PPP1R12C: variants seen among roughly 807,000 people sequenced by gnomAD.
PPP1R12C encodes the protein protein phosphatase 1 regulatory subunit 12C, also known as leukocyte receptor cluster (LRC) encoded novel gene 3.
A neutral mutation model predicts 95.6 loss-of-function variants in PPP1R12C; 48 were observed. That is an observed-to-expected ratio of 0.50 (90% CI 0.40 to 0.64). The LOEUF (loss-of-function observed/expected upper bound fraction) is 0.64, where lower values mean the gene tolerates loss of function less well. Ranked by LOEUF, PPP1R12C falls within the 30% of genes least tolerant of loss-of-function variation. PPP1R12C has a pLI of 0.00. For missense variants in PPP1R12C, 1,057 were observed against 1,083.3 expected, an observed-to-expected ratio of 0.98 and a Z score of 0.34; for synonymous variants, 480 against 460.8, an observed-to-expected ratio of 1.04 and a Z score of -0.53.
intron 9 of PPP1R12C, 101 bp from the exon 10 acceptor site, chr19:55,095,704 GC>G: frequency 6.6e-7 from 1 of 1,505,706 alleles, no homozygotes; most frequent in Non-Finnish European, 9.0e-7. Context: ...ATTCCCATCA[GC>G]CCCCGGGGCA....
chr19:55,112,162 C>T (rs2085102724), intron 3 of PPP1R12C: 1 of 281,850 alleles, frequency 3.5e-6, no homozygotes, highest in Non-Finnish European at 6.8e-6. Flanking sequence ...TAACGCACTC[C>T]TGGGTGAGTC....
chr19:55,095,176 G>A, intron 11 of PPP1R12C, 115 bp downstream of exon 11: 1 of 1,178,676 alleles, frequency 8.5e-7, no homozygotes, highest in Non-Finnish European at 1.2e-6. Flanking sequence ...AGGCTCTGGA[G>A]TGGCGGCAGG....
chr19:55,106,531 C>T (rs1022979889), intron 3 of PPP1R12C, among the ~76,000 whole-genome samples: 8 of 152,248 alleles, frequency 5.3e-5, no homozygotes, highest in Non-Finnish European at 7.3e-5. Flanking sequence ...GTAACTCCCC[C>T]TCTTCCAGCT....
At chr19:55,096,453 C>A in intron 6 of PPP1R12C, 118 bp from the exon 7 acceptor site, 1 of 1,237,408 alleles carries the variant, frequency 8.1e-7, no homozygotes, top group Non-Finnish European at 1.2e-6. Flanking sequence ...GGCTCGTGGG[C>A]TTACTGGTTT....
chr19:55,111,110 CACAG>C (rs2085090061), intron 3 of PPP1R12C, among the ~76,000 whole-genome samples: 1 of 131,360 alleles, frequency 7.6e-6, no homozygotes, highest in African/African-American at 2.9e-5. Flanking sequence ...ACAGCAAATC[CACAG>C]ACAGAAGGCA....
At chr19:55,112,993 T>C (rs550875825) in intron 1 of PPP1R12C, 198 bp from the exon 2 acceptor site, 2 of 680,362 alleles carry the variant, frequency 2.9e-6, no homozygotes, top group Admixed American at 2.9e-5. Context: ...AGGCCTTCAG[T>C]GCTCAGTGGA....
intron 3 of PPP1R12C, 109 bp from the exon 4 acceptor site, chr19:55,103,677 T>A (rs2085002883): frequency 1.7e-5 from 17 of 1,000,608 alleles, no homozygotes; most frequent in Non-Finnish European, 8.3e-6. Context: ...CCAGAGCTCT[T>A]CCCCCTGCTC....
Position 55,103,573 on chromosome 19 carries a change from G to A in PPP1R12C, c.572-5C>T. 6.4e-7 allele frequency: 1 copy of A among 1,562,564 alleles called. No individual in the cohort carries two copies. The highest frequency in any genetic ancestry group is 8.7e-7 in the Non-Finnish European group (1 of 1,144,462). ...TGGCTGCTTCCACATCCACACCTAG[G>A]AGGATAAGAGGCACGAGGTAGGACT... On this transcript the variant is annotated splice_region_variant and splice_polypyrimidine_tract_variant and intron_variant, in intron 3 of 21. Transcript: ENST00000263433.
chr19:55,094,837 G>GCATT (rs754411879), intron 11 of PPP1R12C, 39 bp from the exon 12 acceptor site: 8 of 1,556,948 alleles, frequency 5.1e-6, no homozygotes, highest in Non-Finnish European at 6.1e-6. Context: ...TTACCCAGGT[G>GCATT]CATTGTGTGC....
At position 55,117,344 on chromosome 19, in the gene PPP1R12C, G is replaced by A. The variant is rs1377788747; in HGVS notation, c.200C>T (p.Ala67Val). The A allele has an allele frequency of 1.7e-6, 2 of 1,150,976 alleles. No homozygotes were observed. Among genetic ancestry groups the A allele is most frequent in the South Asian group, 4.1e-5 (1 of 24,484 alleles). 71.3% of individuals were successfully genotyped at this position (1,150,976 alleles called of 1,614,324 possible). Reference sequence around the variant, plus strand: ...GTCGGCGGCGCGCAGCATCAGACGCGCCTCGTCCAGGTCGCCGCCCGCACA... The same window carrying A: ...GTCGGCGGCGCGCAGCATCAGACGCACCTCGTCCAGGTCGCCGCCCGCACA... ...AACAGGDLDE[A>V]RLMLRAADPG... Residue 67 changes from alanine to valine, a missense_variant, in exon 1 of 22, where the codon GCG becomes GTG. Coordinates refer to ENST00000263433, the MANE Select transcript of PPP1R12C (RefSeq NM_017607.4).
intron 11 of PPP1R12C, 161 bp downstream of exon 11, chr19:55,095,130 G>A (rs934527668): frequency 7.0e-6 from 6 of 855,902 alleles, no homozygotes; most frequent in Non-Finnish European, 9.3e-6. Context: ...ACACAGACCT[G>A]AGGGAGGGAG....
chr19:55,113,008 A>T (rs1023225755), intron 1 of PPP1R12C: 1 of 621,268 alleles, frequency 1.6e-6, no homozygotes, highest in Non-Finnish European at 2.8e-6. Flanking sequence ...AGTGGAAACC[A>T]CGAAAGGACT....
chr19:55,100,917 C>T (rs910377593), intron 4 of PPP1R12C, among the ~76,000 whole-genome samples: 88 of 152,250 alleles, frequency 5.8e-4, no homozygotes, highest in African/African-American at 2.1e-3. Context: ...CAGCCTGCAA[C>T]AGATCTTTGA....
At chr19:55,100,198 C>T (rs1172702744) in intron 4 of PPP1R12C, among the ~76,000 whole-genome samples, 2 of 152,182 alleles carry the variant, frequency 1.3e-5, no homozygotes, top group Non-Finnish European at 2.9e-5. Context: ...TGTCTCCTGA[C>T]CCCAAAGCCC....
In PPP1R12C at chr19:55,106,999, A is replaced by G. The variant is rs549152444; in HGVS notation, c.572-3431T>C. On this transcript the variant is annotated intron_variant, in intron 3 of 21. Coordinates refer to ENST00000263433, the MANE Select transcript of PPP1R12C (RefSeq NM_017607.4). ...ACGGAGAGAACCTGTCTAAGAGTGA[A>G]GCCAACAGAGTTCAGCAGAGTGATA... is the stretch of plus-strand genomic sequence containing the variant. Among the ~76,000 whole-genome samples the G allele has an allele frequency of 2.0e-5, 3 of 149,240 alleles. No individual in the cohort carries two copies. In the East Asian group the frequency reaches 5.8e-4, roughly 29 times the overall value.
chr19:55,098,307 GC>G (rs1462609760), intron 6 of PPP1R12C, among the ~76,000 whole-genome samples: 1 of 152,234 alleles, frequency 6.6e-6, no homozygotes, highest in African/African-American at 2.4e-5. Context: ...GAGACTCACG[GC>G]AGATCCATGG....
chr19:55,101,104 C>T (rs532923681), intron 4 of PPP1R12C, among the ~76,000 whole-genome samples: 99 of 152,040 alleles, frequency 6.5e-4, no homozygotes, highest in African/African-American at 2.2e-3. Flanking sequence ...AAAAATTAGC[C>T]GGGCATGGTG....
chr19:55,095,381 G>A, intron 10 of PPP1R12C, 23 bp from the exon 11 acceptor site: 1 of 1,580,150 alleles, frequency 6.3e-7, no homozygotes, highest in Non-Finnish European at 8.6e-7. Flanking sequence ...GAGAAGGGGA[G>A]GAAGGGGCAG....
Position 55,092,551 on chromosome 19 carries a change from C to T in PPP1R12C, c.1953-7G>A, listed in dbSNP as rs1012900485. 6.3e-7 allele frequency: 1 copy of T among 1,595,718 alleles called. No individual in the cohort carries two copies. The highest frequency in any genetic ancestry group is 8.5e-7 in the Non-Finnish European group (1 of 1,171,924). On this transcript the variant is annotated splice_polypyrimidine_tract_variant and splice_region_variant and intron_variant, in intron 17 of 21. Transcript: ENST00000263433. Reference sequence around the variant, plus strand: ...GGGGCCGCCCTCCAGGGTGCTGGGGCAGGGGAGGAGCGCGCGTCAGGGGCC... The same window carrying T: ...GGGGCCGCCCTCCAGGGTGCTGGGGTAGGGGAGGAGCGCGCGTCAGGGGCC...
Sources: allele counts gnomAD v4.1 joint callset (sites outside exome capture counted in the v4.1 genomes callset), GRCh38; gene constraint gnomAD v4.1.1; transcripts MANE v1.5; gene names NCBI Gene and HGNC (gene_info 2026-07-23, HGNC 2026-07-21).